GPC5: variants seen among roughly 807,000 people sequenced by gnomAD.
The protein encoded by GPC5 is glypican-5.
Under a neutral mutation model 53.9 loss-of-function variants are expected in GPC5, and 47 were observed. The observed-to-expected ratio is 0.87, with a 90% CI of 0.69 to 1.11. The LOEUF (loss-of-function observed/expected upper bound fraction) is 1.11. Among genes scored for constraint, GPC5 ranks in the 50% most tolerant of loss-of-function variants. The pLI, the probability that GPC5 is intolerant of heterozygous loss-of-function variation, is 0.00. For synonymous variants in GPC5, 286 were observed against 263.3 expected, an observed-to-expected ratio of 1.09 and a Z score of -0.84; for missense variants, 748 against 713.1, an observed-to-expected ratio of 1.05 and a Z score of -0.56.
At chr13:92,666,782 T>C (rs993880547) in intron 7 of GPC5, among the ~76,000 whole-genome samples, 11 of 152,212 alleles carry the variant, frequency 7.2e-5, no homozygotes, top group African/African-American at 2.7e-4. Flanking sequence ...TTCTTAAATT[T>C]CCAGTACTGC....
intron 7 of GPC5, among the ~76,000 whole-genome samples, chr13:92,854,242 T>A (rs1384600007): frequency 6.8e-6 from 1 of 147,472 alleles, no homozygotes; most frequent in African/African-American, 2.5e-5. Context: ...TAAATATATA[T>A]TAATATATTT....
intron 5 of GPC5, among the ~76,000 whole-genome samples, chr13:91,812,665 TTC>T (rs2138808277): frequency 6.6e-6 from 1 of 152,330 alleles, no homozygotes; most frequent in Admixed American, 6.5e-5. Flanking sequence ...ATTTCACAGT[TTC>T]CTGTGTTGTT....
At chr13:91,825,482 T>C (rs1481752178) in intron 5 of GPC5, among the ~76,000 whole-genome samples, 1 of 152,126 alleles carries the variant, frequency 6.6e-6, no homozygotes, top group Non-Finnish European at 1.5e-5. Context: ...TGCCTTATAA[T>C]GGTTGAAATA....
chr13:92,472,999 A>G (rs1367918174), intron 7 of GPC5, among the ~76,000 whole-genome samples: 1 of 152,096 alleles, frequency 6.6e-6, no homozygotes, highest in East Asian at 1.9e-4. Flanking sequence ...AAACTGATCT[A>G]AAACATTAAT....
intron 7 of GPC5, among the ~76,000 whole-genome samples, chr13:92,267,464 A>G (rs932275970): frequency 6.6e-6 from 1 of 152,104 alleles, no homozygotes; most frequent in African/African-American, 2.4e-5. Context: ...GGCTTCTGCC[A>G]TACCACACTG....
At chr13:92,777,417 G>C (rs993837831) in intron 7 of GPC5, among the ~76,000 whole-genome samples, 32 of 150,722 alleles carry the variant, frequency 2.1e-4, no homozygotes, top group African/African-American at 7.8e-4. Context: ...GGCAGATCAC[G>C]AGGTCAAGAG....
intron 2 of GPC5, among the ~76,000 whole-genome samples, chr13:91,491,791 T>C (rs1005831085): frequency 2.0e-5 from 3 of 152,204 alleles, no homozygotes; most frequent in Non-Finnish European, 2.9e-5. Flanking sequence ...TCCTGTCTTC[T>C]ATAAGTAATG....
At chr13:92,658,542 A>G (rs1205887287) in intron 7 of GPC5, among the ~76,000 whole-genome samples, 3 of 152,148 alleles carry the variant, frequency 2.0e-5, no homozygotes, top group Admixed American at 2.0e-4. Flanking sequence ...GGTTGTGTCA[A>G]GTTTTGTTGT....
At chr13:92,758,639 G>T (rs1159242977) in intron 7 of GPC5, among the ~76,000 whole-genome samples, 1 of 152,040 alleles carries the variant, frequency 6.6e-6, no homozygotes, top group Non-Finnish European at 1.5e-5. Flanking sequence ...GACGTCACTT[G>T]TGTTTATATT....
chr13:92,134,317 T>C (rs2041767067), intron 6 of GPC5, among the ~76,000 whole-genome samples: 1 of 152,154 alleles, frequency 6.6e-6, no homozygotes. Context: ...GTGCCCTTAC[T>C]TGTCATGATA....
intron 7 of GPC5, among the ~76,000 whole-genome samples, chr13:92,476,241 A>G (rs1879122671): frequency 1.3e-5 from 2 of 152,224 alleles, no homozygotes; most frequent in South Asian, 4.1e-4. Flanking sequence ...AAGGACATGA[A>G]CAGACACTTC....
chr13:92,105,515 C>T (rs1192789036), intron 6 of GPC5, among the ~76,000 whole-genome samples: 4 of 151,990 alleles, frequency 2.6e-5, no homozygotes, highest in Non-Finnish European at 4.4e-5. Context: ...TGAAAATAAG[C>T]ACTCTCTTAA....
intron 5 of GPC5, among the ~76,000 whole-genome samples, chr13:91,907,503 T>TTTATATA (rs1555296011): frequency 2.1e-4 from 27 of 129,544 alleles, no homozygotes; most frequent in African/African-American, 6.2e-4. Context: ...CTCTCTCTCT[T>TTTATATA]TATATATATA....
At chr13:91,749,565 G>A (rs908198621) in intron 4 of GPC5, among the ~76,000 whole-genome samples, 1 of 152,132 alleles carries the variant, frequency 6.6e-6, no homozygotes, top group Non-Finnish European at 1.5e-5. Flanking sequence ...TGGGATAGTG[G>A]AATTTCCAAA....
At chr13:91,566,437 G>A (rs889198371) in intron 2 of GPC5, among the ~76,000 whole-genome samples, 7 of 152,052 alleles carry the variant, frequency 4.6e-5, no homozygotes, top group Non-Finnish European at 1.0e-4. Flanking sequence ...GGTGGTGCAC[G>A]CCAGTAGTAC....
intron 2 of GPC5, among the ~76,000 whole-genome samples, chr13:91,562,619 ATTT>A (rs35271520): frequency 3.2e-5 from 4 of 126,066 alleles, no homozygotes; most frequent in Non-Finnish European, 4.9e-5. Flanking sequence ...ATGCCTGGCT[ATTT>A]TTTTTTTTTT....
intron 7 of GPC5, among the ~76,000 whole-genome samples, chr13:92,673,288 CT>C (rs150927746): frequency 3.0e-4 from 43 of 144,872 alleles, no homozygotes; most frequent in African/African-American, 4.8e-4. Context: ...TTTTCTTTTT[CT>C]TTTTTTTTTT....
At position 92,141,788 on chromosome 13, in the gene GPC5, G is replaced by T. The variant is rs560657088; in HGVS notation, c.1402-3042G>T. Among the ~76,000 whole-genome samples, 23 of 152,212 alleles carry T rather than the reference G, an allele frequency of 1.5e-4. 1 individual carries two copies. In the South Asian group the frequency reaches 4.1e-3, roughly 27 times the overall value. ...GTTTGGGAGCTGAGGGGGAGAATCT[G>T]CTCCCAAGCTCGTCTAGGTTGTTGA... On this transcript the variant is annotated intron_variant, in intron 6 of 7. Coordinates refer to ENST00000377067, the MANE Select transcript of GPC5 (RefSeq NM_004466.6).
At chr13:91,820,842 A>G (rs928069346) in intron 5 of GPC5, among the ~76,000 whole-genome samples, 22 of 152,140 alleles carry the variant, frequency 1.4e-4, no homozygotes, top group Non-Finnish European at 2.9e-4. Context: ...GGGCGCCTGT[A>G]GTCACAGCTA....
Sources: gnomAD v4.1 joint callset for allele counts (sites outside exome capture counted in the v4.1 genomes callset) on GRCh38, gnomAD v4.1.1 for gene constraint, MANE v1.5 for transcripts, NCBI Gene and HGNC (gene_info 2026-07-23, HGNC 2026-07-21) for gene names.